RCOR1: variants seen among roughly 807,000 people sequenced by gnomAD.
RCOR1 encodes the protein REST corepressor 1, also known as REST corepressor.
In RCOR1, 12 loss-of-function variants were observed where a neutral mutation model predicts 64.0. That is an observed-to-expected ratio of 0.19 (90% CI 0.12 to 0.30). The LOEUF is 0.30. RCOR1 is among the 10% of genes least tolerant of loss of function. RCOR1 has a pLI of 1.00. For missense variants in RCOR1, 502 were observed against 621.2 expected (o/e 0.81, Z 2.04); for synonymous variants, 279 against 227.2 (o/e 1.23, Z -2.05).
At chr14:102,652,975 C>G (rs1280704849) in intron 2 of RCOR1, among the ~76,000 whole-genome samples, 1 of 152,038 alleles carries the variant, frequency 6.6e-6, no homozygotes, top group African/African-American at 2.4e-5. Context: ...GCTTTGTCGC[C>G]AGGCTGGAGT....
chr14:102,613,435 ATT>A (rs61269468), intron 2 of RCOR1, among the ~76,000 whole-genome samples: 6 of 119,270 alleles, frequency 5.0e-5, no homozygotes, highest in East Asian at 2.4e-4. Context: ...TTTATTTATC[ATT>A]TTTTTTTTTT....
intron 2 of RCOR1, among the ~76,000 whole-genome samples, chr14:102,620,258 C>T (rs924460151): frequency 2.0e-5 from 3 of 151,860 alleles, no homozygotes; most frequent in African/African-American, 7.3e-5. Flanking sequence ...CACACCCCCC[C>T]ACACCCACCA....
chr14:102,647,764 C>T (rs1237465335), intron 2 of RCOR1, among the ~76,000 whole-genome samples: 3 of 152,198 alleles, frequency 2.0e-5, no homozygotes, highest in South Asian at 4.1e-4. Context: ...TTGCAGCCTC[C>T]GCCTCCCGGA....
chr14:102,684,851 ATAAC>A (rs1895383171), intron 3 of RCOR1, among the ~76,000 whole-genome samples: 1 of 152,216 alleles, frequency 6.6e-6, no homozygotes, highest in African/African-American at 2.4e-5. Flanking sequence ...AAGGTTTTAA[ATAAC>A]TAGGTGTAAT....
intron 2 of RCOR1, among the ~76,000 whole-genome samples, chr14:102,636,189 T>C (rs1462936217): frequency 6.6e-6 from 1 of 152,076 alleles, no homozygotes; most frequent in Non-Finnish European, 1.5e-5. Flanking sequence ...CTGCCCGCCT[T>C]GGCCTCCCAA....
intron 2 of RCOR1, among the ~76,000 whole-genome samples, chr14:102,608,208 G>C (rs1227334441): frequency 1.3e-5 from 2 of 152,100 alleles, no homozygotes; most frequent in Non-Finnish European, 2.9e-5. Context: ...AATGAAGAAT[G>C]AGTTACTTCT....
chr14:102,630,781 T>C (rs982950290), intron 2 of RCOR1, among the ~76,000 whole-genome samples: 14 of 152,130 alleles, frequency 9.2e-5, no homozygotes, highest in African/African-American at 2.9e-4. Flanking sequence ...CCCTTCTCCC[T>C]CATAGGAAAG....
intron 4 of RCOR1, among the ~76,000 whole-genome samples, chr14:102,702,507 A>T (rs189831960): frequency 3.5e-4 from 53 of 150,476 alleles, no homozygotes; most frequent in Non-Finnish European, 4.3e-4. Context: ...TATAATTTTT[A>T]AAATAAAAGA....
intron 2 of RCOR1, among the ~76,000 whole-genome samples, chr14:102,601,610 A>G (rs1246403009): frequency 1.3e-5 from 2 of 152,214 alleles, no homozygotes; most frequent in African/African-American, 4.8e-5. Flanking sequence ...AGGAACCTCA[A>G]ACTGCAGTGC....
intron 3 of RCOR1, among the ~76,000 whole-genome samples, chr14:102,696,586 G>A (rs769032631): frequency 3.3e-5 from 5 of 152,136 alleles, no homozygotes; most frequent in Admixed American, 6.5e-5. Context: ...CCTGATTAGC[G>A]TTTACTTCAT....
chr14:102,595,053 A>G (rs1274773789), intron 2 of RCOR1, among the ~76,000 whole-genome samples: 1 of 152,228 alleles, frequency 6.6e-6, no homozygotes, highest in Non-Finnish European at 1.5e-5. Flanking sequence ...ATTCATCGAA[A>G]TATTGACATC....
intron 2 of RCOR1, among the ~76,000 whole-genome samples, chr14:102,624,905 C>G (rs1295284798): frequency 1.3e-5 from 2 of 152,110 alleles, no homozygotes; most frequent in African/African-American, 4.8e-5. Context: ...AAGTCTTCCC[C>G]TTTTTCCCCA....
intron 2 of RCOR1, among the ~76,000 whole-genome samples, chr14:102,610,207 ATAT>A (rs1893598172): frequency 6.6e-6 from 1 of 152,058 alleles, no homozygotes; most frequent in African/African-American, 2.4e-5. Context: ...TTGAATATTA[ATAT>A]TATATGATAT....
chr14:102,606,682 A>G (rs1225882272), intron 2 of RCOR1, among the ~76,000 whole-genome samples: 1 of 144,338 alleles, frequency 6.9e-6, no homozygotes, highest in African/African-American at 2.6e-5. Context: ...CCCAGGCTGG[A>G]GTGCAGTGGC....
intron 2 of RCOR1, among the ~76,000 whole-genome samples, chr14:102,648,008 T>C (rs1894510887): frequency 6.6e-6 from 1 of 152,218 alleles, no homozygotes; most frequent in Non-Finnish European, 1.5e-5. Context: ...GTCATATTAT[T>C]CCAGATTTGG....
chr14:102,707,365 C>A lies in RCOR1; in HGVS notation c.513C>A (p.Leu171=), dbSNP rs527667578. The A allele has an allele frequency of 6.2e-7, 1 of 1,604,612 alleles. No homozygotes were observed. The highest frequency in any genetic ancestry group is 1.3e-5 in the African/African-American group (1 of 74,292). The change falls in exon 5 of 12, where the codon CTC becomes CTA. Residue 171 remains leucine, a synonymous_variant. Transcript: ENST00000262241. ...GYNMEQALGM[L]FWHKHNIEKS... ...CATTTTTGTAGGCTCTTGGGATGCT[C>A]TTCTGGCATAAACATAATATCGAAA...
chr14:102,657,803 A>G (rs1894755457), intron 2 of RCOR1: 1 of 858,196 alleles, frequency 1.2e-6, no homozygotes, highest in Non-Finnish European at 1.4e-6. Flanking sequence ...ACTCCATTGC[A>G]CTCCAGCCTG....
intron 3 of RCOR1, among the ~76,000 whole-genome samples, chr14:102,699,545 A>G (rs1319357771): frequency 6.6e-6 from 1 of 152,194 alleles, no homozygotes; most frequent in East Asian, 1.9e-4. Flanking sequence ...TGCTTTTGGT[A>G]TAATCGCATG....
rs1266720597 is a variant in RCOR1 at position 102,639,846 on chromosome 14, TCA to T, written c.362-42048_362-42047del. Among the ~76,000 whole-genome samples, 128 of 149,490 alleles carry T rather than the reference TCA, an allele frequency of 8.6e-4. 1 individual carries two copies. Among genetic ancestry groups the T allele is most frequent in the African/African-American group, 3.0e-3 (123 of 40,452 alleles). Reference sequence around the variant, plus strand: ...GAGCTCAGCCTATTCATTCATTCATTCATTCATTCATTCATTCATGAGACGGA... The same window carrying T: ...GAGCTCAGCCTATTCATTCATTCATTTTCATTCATTCATTCATGAGACGGA... On this transcript the variant is annotated intron_variant, in intron 2 of 11. Transcript: ENST00000262241.
Sources: allele counts gnomAD v4.1 joint callset (sites outside exome capture counted in the v4.1 genomes callset), GRCh38; gene constraint gnomAD v4.1.1; transcripts MANE v1.5; gene names NCBI Gene and HGNC (gene_info 2026-07-23, HGNC 2026-07-21).